The following CGNL1 variants were observed in gnomAD, a reference collection of about 807,000 sequenced individuals.
CGNL1 encodes the protein cingulin like 1.
CGNL1 carries 132 observed loss-of-function variants against 141.2 expected under a neutral mutation model. The observed-to-expected ratio is 0.93, with a 90% CI of 0.81 to 1.08. The LOEUF is 1.08. Among genes scored for constraint, CGNL1 ranks in the 50% least tolerant of loss-of-function variants. The pLI, the probability that CGNL1 is intolerant of heterozygous loss-of-function variation, is 0.00. For synonymous variants in CGNL1, 690 were observed against 622.1 expected (o/e 1.11, Z -1.63); for missense variants, 1,870 against 1,588.6 (o/e 1.18, Z -3.01).
rs756370325 is a variant in CGNL1 at position 57,516,933 on chromosome 15, G to A, written c.2557G>A (p.Glu853Lys). The A allele has an allele frequency of 5.9e-5, 95 of 1,613,492 alleles. No homozygotes were observed. Among genetic ancestry groups the A allele is most frequent in the Non-Finnish European group, 7.5e-5 (89 of 1,180,030 alleles). ...RRVAQLQRQI[E>K]DLKGDEAKAK... is the part of the protein sequence containing the mutation. Reference sequence around the variant, plus strand: ...AGTTGCTCAGCTTCAAAGGCAGATCGAGGACCTGAAAGGCGATGAAGCCAA... The same window carrying A: ...AGTTGCTCAGCTTCAAAGGCAGATCAAGGACCTGAAAGGCGATGAAGCCAA... Residue 853 changes from glutamate (E) to lysine (K), a missense_variant, in exon 9 of 19, where the codon GAG (glutamate) becomes AAG (lysine). By Grantham distance (56) the Glu-to-Lys change is moderately conservative. Transcript: ENST00000281282.
intron 1 of CGNL1, among the ~76,000 whole-genome samples, chr15:57,429,647 G>A (rs2152294296): frequency 6.6e-6 from 1 of 152,308 alleles, no homozygotes; most frequent in African/African-American, 2.4e-5. Flanking sequence ...TTAGCCCTCT[G>A]GCTTCTTCAT....
chr15:57,479,668 A>G (rs1479873585), intron 8 of CGNL1, among the ~76,000 whole-genome samples: 2 of 152,222 alleles, frequency 1.3e-5, no homozygotes, highest in Non-Finnish European at 2.9e-5. Context: ...CTTCTCAAGA[A>G]ACAAAAAACA....
intron 1 of CGNL1, among the ~76,000 whole-genome samples, chr15:57,419,827 C>G (rs1215939136): frequency 6.6e-6 from 1 of 152,192 alleles, no homozygotes; most frequent in Non-Finnish European, 1.5e-5. Context: ...GTGAGGAAGT[C>G]ACTATGTGCA....
At position 57,550,565 on chromosome 15, in the gene CGNL1, T is replaced by C. The variant is rs1282869719; in HGVS notation, c.*3075T>C. 1 of 152,690 alleles carries C rather than the reference T, an allele frequency of 6.5e-6. No individual in the cohort carries two copies. Among genetic ancestry groups the C allele is most frequent in the Non-Finnish European group, 1.5e-5 (1 of 68,046 alleles). The allele number at this position is 152,690 out of a possible 1,614,324, so 9.5% of individuals were successfully genotyped here. A position where few individuals can be genotyped will look rare whatever the true frequency, so the allele number is the denominator to read the frequency against. On this transcript the variant is annotated 3_prime_UTR_variant, in exon 19 of 19. Transcript: ENST00000281282. ...TCTGAGTGTCGTTCTACAATGCCCG[T>C]TGACTTATTCCATTGCGTCTCTGCT...
intron 14 of CGNL1, among the ~76,000 whole-genome samples, chr15:57,533,310 G>A (rs2032062800): frequency 6.6e-6 from 1 of 152,180 alleles, no homozygotes; most frequent in African/African-American, 2.4e-5. Flanking sequence ...GAAAATCAGA[G>A]GCCCAGATAG....
chr15:57,410,123 A>G (rs1168574641), intron 1 of CGNL1, among the ~76,000 whole-genome samples: 2 of 152,302 alleles, frequency 1.3e-5, no homozygotes, highest in South Asian at 4.1e-4. Flanking sequence ...TTGCAGTGTG[A>G]GGGTCAGGCC....
In CGNL1 at chr15:57,451,609, G is replaced by A. The variant is rs775875629; in HGVS notation, c.1905+8G>A. 1.6e-5 allele frequency: 26 copies of A among 1,576,732 alleles called. No individual in the cohort carries two copies. The highest frequency in any genetic ancestry group is 1.7e-4 in the Middle Eastern group (1 of 5,988). On this transcript the variant is annotated splice_region_variant and intron_variant, in intron 5 of 18. Transcript: ENST00000281282. ...CTTCAACTGGAAGTCAAGGTATCTG[G>A]TTTTTCCTTTATGTTATTTTTTCCA... is the stretch of plus-strand genomic sequence containing the variant.
At chr15:57,480,459 G>T (rs561066267) in intron 8 of CGNL1, among the ~76,000 whole-genome samples, 5 of 152,172 alleles carry the variant, frequency 3.3e-5, no homozygotes, top group African/African-American at 1.2e-4. Context: ...GGCGGAGGTT[G>T]CAGTGAGCTG....
intron 4 of CGNL1, among the ~76,000 whole-genome samples, chr15:57,446,488 C>A (rs1469448957): frequency 6.6e-6 from 1 of 151,956 alleles, no homozygotes; most frequent in African/African-American, 2.4e-5. Flanking sequence ...TAAGTATTCT[C>A]GTGTGTCCGG....
intron 18 of CGNL1, among the ~76,000 whole-genome samples, chr15:57,546,521 A>G (rs890185699): frequency 2.6e-5 from 4 of 152,224 alleles, no homozygotes; most frequent in Admixed American, 6.5e-5. Flanking sequence ...CTTAGGGCAG[A>G]TAAGACTAGC....
chr15:57,518,548 A>G lies in CGNL1; in HGVS notation c.2715+51A>G, dbSNP rs546085584. 7.3e-6 allele frequency: 9 copies of G among 1,226,418 alleles called. No homozygotes were observed. The East Asian group carries it at 1.7e-4, about 24-fold the overall frequency. The allele number at this position is 1,226,418 out of a possible 1,614,324, so 76.0% of individuals were successfully genotyped here. A position where few individuals can be genotyped will look rare whatever the true frequency, so the allele number is the denominator to read the frequency against. Reference sequence around the variant, plus strand: ...ACTCCCTCAAGAAGAATGCATAGAGACGCAACACCAGAGGGATGTGTGGAG... The same window carrying G: ...ACTCCCTCAAGAAGAATGCATAGAGGCGCAACACCAGAGGGATGTGTGGAG... On this transcript the variant is annotated intron_variant, in intron 10 of 18. Coordinates refer to ENST00000281282, the MANE Select transcript of CGNL1 (RefSeq NM_032866.5).
chr15:57,400,887 TAAAAAA>T (rs35735890), intron 1 of CGNL1, among the ~76,000 whole-genome samples: 1 of 77,898 alleles, frequency 1.3e-5, no homozygotes, highest in East Asian at 3.9e-4. Context: ...TGTCTCAAAT[TAAAAAA>T]AAAAAAAAAA....
intron 8 of CGNL1, among the ~76,000 whole-genome samples, chr15:57,490,144 A>G (rs1049424721): frequency 6.6e-6 from 1 of 152,198 alleles, no homozygotes; most frequent in Non-Finnish European, 1.5e-5. Flanking sequence ...ATAAGCAATA[A>G]AAATCAGGAA....
chr15:57,522,372 G>A (rs1421970247), intron 10 of CGNL1, among the ~76,000 whole-genome samples: 2 of 152,204 alleles, frequency 1.3e-5, no homozygotes, highest in African/African-American at 2.4e-5. Flanking sequence ...AAGTGATTTG[G>A]AATGTTTTCA....
At chr15:57,468,785 GGT>G (rs1363500728) in intron 8 of CGNL1, among the ~76,000 whole-genome samples, 1 of 152,140 alleles carries the variant, frequency 6.6e-6, no homozygotes, top group African/African-American at 2.4e-5. Flanking sequence ...GGGAGGGACT[GGT>G]GGGAGATAAC....
intron 1 of CGNL1, among the ~76,000 whole-genome samples, chr15:57,421,280 A>T (rs1340600448): frequency 1.3e-5 from 2 of 152,164 alleles, no homozygotes; most frequent in African/African-American, 4.8e-5. Context: ...TGTTTAAGCC[A>T]CTCAGTCTGT....
At chr15:57,505,949 G>A (rs534060144) in intron 8 of CGNL1, among the ~76,000 whole-genome samples, 4 of 152,312 alleles carry the variant, frequency 2.6e-5, no homozygotes, top group African/African-American at 7.2e-5. Flanking sequence ...TGAAGGATCC[G>A]TTTTCACAAA....
intron 7 of CGNL1, 87 bp downstream of exon 7, chr15:57,453,905 C>T (rs2063350062): frequency 1.3e-6 from 2 of 1,489,714 alleles, no homozygotes; most frequent in Non-Finnish European, 1.8e-6. Context: ...CTGCAAGCCA[C>T]TTTCTGATGT....
chr15:57,435,971 A>G (rs1349760616), intron 1 of CGNL1, among the ~76,000 whole-genome samples: 1 of 152,220 alleles, frequency 6.6e-6, no homozygotes, highest in Admixed American at 6.5e-5. Context: ...CAATACAGGT[A>G]GAGATTAGCA....
Sources: allele counts gnomAD v4.1 joint callset (sites outside exome capture counted in the v4.1 genomes callset), GRCh38; gene constraint gnomAD v4.1.1; transcripts MANE v1.5; gene names NCBI Gene and HGNC (gene_info 2026-07-23, HGNC 2026-07-21).